The following SNX29 variants were observed in gnomAD, a reference collection of about 807,000 sequenced individuals.
SNX29 encodes the protein sorting nexin-29.
In SNX29, 78 loss-of-function variants were observed where a neutral mutation model predicts 102.1. That is an observed-to-expected ratio of 0.76 (90% CI 0.64 to 0.92). The LOEUF is 0.92. Ranked by LOEUF, SNX29 falls within the 40% of genes least tolerant of loss-of-function variation. The probability of loss-of-function intolerance (pLI) is 0.00; values close to 1 mark genes in which losing one functional copy is unlikely to be tolerated. For missense variants in SNX29, 1,280 were observed against 1,061.7 expected, an observed-to-expected ratio of 1.21 and a Z score of -2.86; for synonymous variants, 580 against 414.5, an observed-to-expected ratio of 1.40 and a Z score of -4.85.
At chr16:12,496,202 G>A (rs529206778) in intron 19 of SNX29, among the ~76,000 whole-genome samples, 3 of 152,180 alleles carry the variant, frequency 2.0e-5, no homozygotes, top group Admixed American at 6.5e-5. Flanking sequence ...CAGTGTGAGC[G>A]CCCTAAAATT....
In SNX29 at chr16:12,347,869, G is replaced by T. The variant is rs541226180; in HGVS notation, c.1783-8294G>T. On this transcript the variant is annotated intron_variant, in intron 15 of 20. Transcript: ENST00000566228. ...GAGGCAGGAGGATTCCTTGAGTCCA[G>T]GAGTTCAAGACCAGCCTGAGAAACG... Among the ~76,000 whole-genome samples, 85 of 150,790 alleles carry T rather than the reference G, an allele frequency of 5.6e-4. 1 individual carries two copies. Among genetic ancestry groups the T allele is most frequent in the Non-Finnish European group, 1.1e-3 (76 of 67,872 alleles).
At chr16:12,046,343 C>G (rs746921878) in intron 5 of SNX29, 41 bp from the exon 6 acceptor site, 3 of 1,603,150 alleles carry the variant, frequency 1.9e-6, no homozygotes, top group Non-Finnish European at 2.6e-6. Context: ...ACACAGAGAA[C>G]CACTGCTAAG....
At chr16:12,534,853 TG>T (rs958118397) in intron 20 of SNX29, among the ~76,000 whole-genome samples, 8 of 152,280 alleles carry the variant, frequency 5.3e-5, no homozygotes, top group Non-Finnish European at 7.4e-5. Context: ...CATTTTTGAT[TG>T]TCCCAACCAT....
intron 18 of SNX29, among the ~76,000 whole-genome samples, chr16:12,413,509 C>T (rs772383283): frequency 1.1e-4 from 17 of 151,968 alleles, no homozygotes; most frequent in Non-Finnish European, 2.2e-4. Flanking sequence ...GTGGAGACAG[C>T]AGGAAGGATA....
intron 13 of SNX29, among the ~76,000 whole-genome samples, chr16:12,159,039 T>C (rs940486398): frequency 6.6e-6 from 1 of 152,248 alleles, no homozygotes; most frequent in Admixed American, 6.5e-5. Flanking sequence ...GGAATTAATA[T>C]GGTGTAGGCT....
intron 16 of SNX29, among the ~76,000 whole-genome samples, chr16:12,379,946 T>C (rs2083012605): frequency 6.6e-6 from 1 of 152,140 alleles, no homozygotes; most frequent in Non-Finnish European, 1.5e-5. Flanking sequence ...AGGTACTTTT[T>C]TGGAATTACT....
At chr16:12,565,321 T>A (rs1302341194) in intron 20 of SNX29, among the ~76,000 whole-genome samples, 1 of 152,186 alleles carries the variant, frequency 6.6e-6, no homozygotes, top group African/African-American at 2.4e-5. Flanking sequence ...TCCACTGTGC[T>A]CAGCAGTCTG....
At chr16:12,417,597 C>G (rs1456711949) in intron 18 of SNX29, among the ~76,000 whole-genome samples, 1 of 151,950 alleles carries the variant, frequency 6.6e-6, no homozygotes. Context: ...TTCCTTTTCC[C>G]TATTCCTCAT....
intron 20 of SNX29, among the ~76,000 whole-genome samples, chr16:12,563,000 C>T (rs184261578): frequency 2.0e-5 from 3 of 149,134 alleles, no homozygotes; most frequent in Admixed American, 6.6e-5. Context: ...AAAACTGCTT[C>T]AATGCGCCTT....
intron 19 of SNX29, among the ~76,000 whole-genome samples, chr16:12,522,815 T>A (rs367547219): frequency 6.6e-6 from 1 of 152,220 alleles, no homozygotes; most frequent in East Asian, 1.9e-4. Context: ...TATAGCAGTG[T>A]GAGAATGGAC....
intron 20 of SNX29, among the ~76,000 whole-genome samples, chr16:12,565,537 G>T (rs1045506762): frequency 6.6e-6 from 1 of 152,066 alleles, no homozygotes; most frequent in Non-Finnish European, 1.5e-5. Flanking sequence ...TGGCCTCGAG[G>T]ATTGAACCAT....
intron 13 of SNX29, among the ~76,000 whole-genome samples, chr16:12,183,480 C>T (rs1045948493): frequency 6.6e-6 from 1 of 152,012 alleles, no homozygotes; most frequent in African/African-American, 2.4e-5. Context: ...TACAGAGATA[C>T]ATACTGTGTA....
In SNX29 at chr16:12,061,525, T is replaced by C; in HGVS notation, c.1125-3T>C. 6.3e-7 allele frequency: 1 copy of C among 1,592,224 alleles called. No homozygotes were observed. The highest frequency in any genetic ancestry group is 8.5e-7 in the Non-Finnish European group (1 of 1,170,542). ...GTCCTGCAGCTGTATTCTTTCACCT[T>C]AGGCCACTGGAAGGGAACACCTGCC... On this transcript the variant is annotated splice_polypyrimidine_tract_variant and splice_region_variant and intron_variant, in intron 8 of 20. Transcript: ENST00000566228.
At chr16:12,309,029 A>G (rs1393134007) in intron 15 of SNX29, among the ~76,000 whole-genome samples, 2 of 152,212 alleles carry the variant, frequency 1.3e-5, no homozygotes, top group Admixed American at 6.5e-5. Context: ...GAGAGAGGCA[A>G]TGGAAAGGTT....
chr16:12,508,609 C>T (rs2089477570), intron 19 of SNX29, among the ~76,000 whole-genome samples: 1 of 152,214 alleles, frequency 6.6e-6, no homozygotes. Flanking sequence ...CTCCTGCTCT[C>T]AAAGGGCTGT....
intron 4 of SNX29, among the ~76,000 whole-genome samples, chr16:12,041,827 A>G (rs973541648): frequency 2.6e-5 from 4 of 152,228 alleles, no homozygotes; most frequent in Non-Finnish European, 5.9e-5. Flanking sequence ...GGTAATATTC[A>G]GAGAATTCTG....
intron 16 of SNX29, among the ~76,000 whole-genome samples, chr16:12,379,840 C>T (rs1393632442): frequency 6.6e-6 from 1 of 152,078 alleles, no homozygotes; most frequent in East Asian, 1.9e-4. Flanking sequence ...TGGGGCCTGC[C>T]CAGCAGTGAT....
chr16:12,114,645 G>A (rs559099541), intron 11 of SNX29, among the ~76,000 whole-genome samples: 39 of 151,828 alleles, frequency 2.6e-4, no homozygotes, highest in African/African-American at 9.4e-4. Context: ...GGAGTGCAGT[G>A]GCATGATCTC....
chr16:12,247,220 A>G (rs773506636), intron 14 of SNX29, among the ~76,000 whole-genome samples: 5 of 152,180 alleles, frequency 3.3e-5, no homozygotes, highest in Non-Finnish European at 5.9e-5. Context: ...TCATCTTAGC[A>G]AGGGATGGAG....
Sources: allele counts gnomAD v4.1 joint callset (sites outside exome capture counted in the v4.1 genomes callset), GRCh38; gene constraint gnomAD v4.1.1; transcripts MANE v1.5; gene names NCBI Gene and HGNC (gene_info 2026-07-23, HGNC 2026-07-21).